DLGAP5: variants seen among roughly 807,000 people sequenced by gnomAD.
DLGAP5 encodes the protein disks large-associated protein 5.
DLGAP5 carries 90 observed loss-of-function variants against 99.6 expected under a neutral mutation model. The observed-to-expected ratio is 0.90, with a 90% CI of 0.76 to 1.08. DLGAP5 has a LOEUF of 1.08. Ranked by LOEUF, DLGAP5 falls within the 50% of genes least tolerant of loss-of-function variation. DLGAP5 has a pLI of 0.00. For synonymous variants in DLGAP5, 311 were observed against 321.3 expected, an observed-to-expected ratio of 0.97 and a Z score of 0.34; for missense variants, 1,036 against 983.5, an observed-to-expected ratio of 1.05 and a Z score of -0.71.
intron 4 of DLGAP5, 24 bp downstream of exon 4, chr14:55,182,346 A>T: frequency 6.3e-7 from 1 of 1,581,390 alleles, no homozygotes; most frequent in Non-Finnish European, 8.6e-7. Context: ...CATTTTAGTA[A>T]CAATTATCTA....
At chr14:55,157,390 C>T (rs1233309406) in intron 14 of DLGAP5, among the ~76,000 whole-genome samples, 1 of 152,054 alleles carries the variant, frequency 6.6e-6, no homozygotes, top group Non-Finnish European at 1.5e-5. Flanking sequence ...TTAAAGGAAA[C>T]AAAAGTACAC....
rs1375537253 is a variant in DLGAP5 at position 55,152,003 on chromosome 14, AG to A, written c.2122-63del. The A allele has an allele frequency of 3.7e-5, 56 of 1,518,214 alleles. No homozygotes were observed. The African/African-American group carries it at 7.4e-4, about 20-fold the overall frequency. The allele number at this position is 1,518,214 out of a possible 1,614,324, so 94.0% of individuals were successfully genotyped here. A position where few individuals can be genotyped will look rare whatever the true frequency, so the allele number is the denominator to read the frequency against. On this transcript the variant is annotated intron_variant, in intron 16 of 18. Transcript: ENST00000247191. Reference sequence around the variant, plus strand: ...TTAATTACTTGGAACAAATTTTAAAAGTCTTGTTGCTATTAAATACAAGAAA... The same window carrying A: ...TTAATTACTTGGAACAAATTTTAAAATCTTGTTGCTATTAAATACAAGAAA...
At chr14:55,173,871 G>C (rs1442365756) in intron 10 of DLGAP5, among the ~76,000 whole-genome samples, 1 of 152,094 alleles carries the variant, frequency 6.6e-6, no homozygotes, top group Non-Finnish European at 1.5e-5. Context: ...AATCCTGTCA[G>C]CTGAGGAGGA....
chr14:55,162,446 C>T (rs1207113615), intron 13 of DLGAP5, among the ~76,000 whole-genome samples: 5 of 152,046 alleles, frequency 3.3e-5, no homozygotes, highest in East Asian at 1.9e-4. Flanking sequence ...AGTGAAACCC[C>T]GTCTCTACTA....
chr14:55,178,336 TTAA>T (rs1434930055), intron 7 of DLGAP5, among the ~76,000 whole-genome samples: 4 of 152,200 alleles, frequency 2.6e-5, no homozygotes, highest in African/African-American at 9.6e-5. Flanking sequence ...GACCAAATTC[TTAA>T]GTTAAATAAC....
chr14:55,183,502 C>G, intron 3 of DLGAP5, 58 bp downstream of exon 3: 1 of 1,422,054 alleles, frequency 7.0e-7, no homozygotes, highest in Non-Finnish European at 9.3e-7. Context: ...CACTTAATGT[C>G]TTGAAGAAAA....
intron 5 of DLGAP5, 30 bp from the exon 6 acceptor site, chr14:55,180,808 T>C: frequency 1.2e-6 from 2 of 1,613,510 alleles, no homozygotes; most frequent in Non-Finnish European, 1.7e-6. Context: ...CTACATCAAA[T>C]GTCCCTTGTA....
chr14:55,158,672 G>C lies in DLGAP5; in HGVS notation c.1723C>G (p.Arg575Gly). ...DDAGRIAARNRLAAIKNAMRE... is the reference protein window; with the variant it reads ...DDAGRIAARNGLAAIKNAMRE... ...ATTGCATTTTTTATGGCAGCTAGGCGATTTCTCGCTGCAATTCTTCCAGCA... is the reference window on the plus strand; with the variant it reads ...ATTGCATTTTTTATGGCAGCTAGGCCATTTCTCGCTGCAATTCTTCCAGCA... Residue 575 changes from arginine to glycine, a missense_variant, in exon 14 of 19, where the codon CGC (arginine) becomes GGC (glycine). By Grantham distance (125) the Arg-to-Gly change is moderately radical. Coordinates refer to ENST00000247191, the MANE Select transcript of DLGAP5 (RefSeq NM_014750.5). The C allele has an allele frequency of 6.2e-7, 1 of 1,613,934 alleles. No homozygotes were observed. Among genetic ancestry groups the C allele is most frequent in the Non-Finnish European group, 8.5e-7 (1 of 1,179,968 alleles).
At position 55,170,804 on chromosome 14, in the gene DLGAP5, C is replaced by T. The variant is rs781746391; in HGVS notation, c.1302-17G>A. 1 of 1,598,286 alleles carries T rather than the reference C, an allele frequency of 6.3e-7. No individual in the cohort carries two copies. The highest frequency in any genetic ancestry group is 8.6e-7 in the Non-Finnish European group (1 of 1,165,814). On this transcript the variant is annotated splice_polypyrimidine_tract_variant and intron_variant, in intron 10 of 18. Coordinates refer to ENST00000247191, the MANE Select transcript of DLGAP5 (RefSeq NM_014750.5). ...AGGATATTTCTAAAATTATGACATA[C>T]ATTTCAGTTCTACAAGTGGTTTTTA...
chr14:55,154,627 G>T lies in DLGAP5; in HGVS notation c.2053C>A (p.Pro685Thr), dbSNP rs767418572. 3.1e-6 allele frequency: 5 copies of T among 1,613,448 alleles called. No homozygotes were observed. Among genetic ancestry groups the T allele is most frequent in the Non-Finnish European group, 4.2e-6 (5 of 1,179,622 alleles). ...HVKKTLFLSIPESRSSIEDAQ... is the reference protein window; with the variant it reads ...HVKKTLFLSITESRSSIEDAQ... ...ATGTTAAAGAAATACCTGCTTTCAG[G>T]AATACTCAAAAACAAAGTCTTCTTC... Residue 685 changes from proline to threonine, a missense_variant, in exon 15 of 19, where the codon CCT (proline) becomes ACT (threonine). By Grantham distance (38) the Pro-to-Thr change is conservative. Transcript: ENST00000247191.
rs762978391 is a variant in DLGAP5 at position 55,189,140 on chromosome 14, T to C, written c.40A>G (p.Ile14Val). The C allele has an allele frequency of 1.9e-6, 3 of 1,613,784 alleles. No individual in the cohort carries two copies. The highest frequency in any genetic ancestry group is 2.5e-6 in the Non-Finnish European group (3 of 1,179,928). ...SHFASRHRKD[I>V]STEMIRTKIA... Reference sequence around the variant, plus strand: ...TTAGTTCTAATCATTTCAGTACTTATATCCTTCCTGTGTCGACTGGCAAAA... The same window carrying C: ...TTAGTTCTAATCATTTCAGTACTTACATCCTTCCTGTGTCGACTGGCAAAA... The change falls in exon 2 of 19, where the codon ATA (isoleucine) becomes GTA (valine). Residue 14 changes from isoleucine to valine, a missense_variant. Physicochemically the swap from Ile to Val is conservative, Grantham distance 29. Coordinates refer to ENST00000247191, the MANE Select transcript of DLGAP5 (RefSeq NM_014750.5).
intron 10 of DLGAP5, among the ~76,000 whole-genome samples, chr14:55,172,677 C>T (rs1882901669): frequency 6.6e-6 from 1 of 151,792 alleles, no homozygotes; most frequent in Admixed American, 6.6e-5. Flanking sequence ...AATGACACAA[C>T]ATGACGATTA....
chr14:55,159,686 T>C (rs1882347687), intron 13 of DLGAP5, among the ~76,000 whole-genome samples: 1 of 152,176 alleles, frequency 6.6e-6, no homozygotes, highest in Non-Finnish European at 1.5e-5. Context: ...TTTTAAGGTA[T>C]ATTGAGTCAT....
intron 5 of DLGAP5, 122 bp from the exon 6 acceptor site, chr14:55,180,900 T>G: frequency 7.7e-7 from 1 of 1,294,414 alleles, no homozygotes; most frequent in Non-Finnish European, 1.1e-6. Context: ...GAGGATTACT[T>G]CAGCCCAGGA....
rs763825078 is a variant in DLGAP5, at chr14:55,180,796, A to T, written c.581-18T>A. ...CTGCACAACTGTGGGAAAAAAAAAT[A>T]ACTACATCAAATGTCCCTTGTAGTT... On this transcript the variant is annotated intron_variant, in intron 5 of 18. Transcript: ENST00000247191. The T allele has an allele frequency of 1.2e-6, 2 of 1,613,860 alleles. No individual in the cohort carries two copies. Among genetic ancestry groups the T allele is most frequent in the Non-Finnish European group, 1.7e-6 (2 of 1,179,856 alleles).
At chr14:55,161,191 A>G (rs1000545163) in intron 13 of DLGAP5, among the ~76,000 whole-genome samples, 1 of 152,140 alleles carries the variant, frequency 6.6e-6, no homozygotes, top group East Asian at 1.9e-4. Context: ...ACACCTGGTG[A>G]TAACAGGCAG....
chr14:55,150,904 T>C (rs1881993877), intron 17 of DLGAP5, 56 bp from the exon 18 acceptor site: 3 of 1,192,530 alleles, frequency 2.5e-6, no homozygotes, highest in African/African-American at 3.2e-5. Context: ...CGAGGGCTGT[T>C]AGAAATGGAC....
chr14:55,183,561 T>G lies in DLGAP5; in HGVS notation c.431A>C (p.Lys144Thr). The G allele has an allele frequency of 6.5e-7, 1 of 1,542,810 alleles. No homozygotes were observed. The highest frequency in any genetic ancestry group is 8.7e-7 in the Non-Finnish European group (1 of 1,151,604). The change falls in exon 3 of 19, where the codon AAG (lysine) becomes ACG (threonine). Residue 144 changes from lysine (K) to threonine (T), a missense_variant and splice_region_variant. Physicochemically the swap from Lys to Thr is moderately conservative, Grantham distance 78 (BLOSUM62 -1). Transcript: ENST00000247191. ...NQNAVKAEPK[K>T]AIPSSVRITR... ...TTTATATTAAGACACTAAATTTACC[T>G]TTTTTGGCTCAGCTTTCACAGCATT...
At position 55,191,538 on chromosome 14, in the gene DLGAP5, T is replaced by G. The variant is rs986096058; in HGVS notation, c.-77A>C. The G allele has an allele frequency of 6.6e-6, 1 of 152,644 alleles. No homozygotes were observed. Among genetic ancestry groups the G allele is most frequent in the Non-Finnish European group, 1.5e-5 (1 of 68,106 alleles). The allele number at this position is 152,644 out of a possible 1,614,324, so 9.5% of individuals were successfully genotyped here. A position where few individuals can be genotyped will look rare whatever the true frequency, so the allele number is the denominator to read the frequency against. Reference sequence around the variant, plus strand: ...CTCGGTCTGGACGACCACCGCCGACTCCGAAGCAGGAACCCTCACAACCCG... The same window carrying G: ...CTCGGTCTGGACGACCACCGCCGACGCCGAAGCAGGAACCCTCACAACCCG... On this transcript the variant is annotated 5_prime_UTR_variant, in exon 1 of 19. Transcript: ENST00000247191.
Sources: gnomAD v4.1 joint callset for allele counts (sites outside exome capture counted in the v4.1 genomes callset) on GRCh38, gnomAD v4.1.1 for gene constraint, MANE v1.5 for transcripts, NCBI Gene and HGNC (gene_info 2026-07-23, HGNC 2026-07-21) for gene names.